The following MSRA variants were observed in gnomAD, a reference collection of about 807,000 sequenced individuals.
MSRA encodes methionine sulfoxide reductase A.
In MSRA, 54 loss-of-function variants were observed where a neutral mutation model predicts 31.3. That is an observed-to-expected ratio of 1.73 (90% CI 1.39 to 2.17). MSRA has a LOEUF of 2.17. Among genes scored for constraint, MSRA ranks in the 30% most tolerant of loss-of-function variants. MSRA has a pLI of 0.00. For missense variants in MSRA, 507 were observed against 300.9 expected (o/e 1.69, Z -5.07); for synonymous variants, 169 against 116.5 (o/e 1.45, Z -2.90).
At position 10,119,966 on chromosome 8, in the gene MSRA, G is replaced by C. The variant is rs116134549; in HGVS notation, c.142+65308G>C. Among the ~76,000 whole-genome samples, 1,311 of 152,306 alleles carry C rather than the reference G, an allele frequency of 8.6e-3. 16 individuals carry two copies. Among genetic ancestry groups the C allele is most frequent in the African/African-American group, 0.029 (1,186 of 41,562 alleles). ...CTAGACCCAAAAAGGGGCAAGAAGA[G>C]AGCAATGACAAGTATTGAACCGTGA... On this transcript the variant is annotated intron_variant, in intron 1 of 5. Transcript: ENST00000317173.
intron 1 of MSRA, among the ~76,000 whole-genome samples, chr8:10,169,815 T>C (rs1805443420): frequency 6.6e-6 from 1 of 152,062 alleles, no homozygotes; most frequent in Non-Finnish European, 1.5e-5. Context: ...TAATAATTTG[T>C]TTTAATAAGT....
intron 1 of MSRA, among the ~76,000 whole-genome samples, chr8:10,151,201 G>A (rs190988420): frequency 1.6e-3 from 237 of 149,520 alleles, no homozygotes; most frequent in African/African-American, 5.1e-3. Context: ...CTGGGGAGGC[G>A]CAGTGAGCCA....
At chr8:10,352,847 A>G (rs923266811) in intron 5 of MSRA, among the ~76,000 whole-genome samples, 1 of 152,104 alleles carries the variant, frequency 6.6e-6, no homozygotes, top group Non-Finnish European at 1.5e-5. Context: ...CGGGGGAGAA[A>G]GAGGCCCTGG....
chr8:10,219,660 G>T (rs1810305957), intron 2 of MSRA, among the ~76,000 whole-genome samples: 1 of 151,800 alleles, frequency 6.6e-6, no homozygotes. Flanking sequence ...CAAAAAATTA[G>T]CTGGGCGTGG....
At chr8:10,283,304 T>G (rs946763786) in intron 3 of MSRA, among the ~76,000 whole-genome samples, 7 of 152,170 alleles carry the variant, frequency 4.6e-5, no homozygotes, top group African/African-American at 1.7e-4. Context: ...TTGCACATCA[T>G]TTTTAGCTGC....
chr8:10,275,122 C>T (rs997152324), intron 3 of MSRA, among the ~76,000 whole-genome samples: 7 of 150,964 alleles, frequency 4.6e-5, no homozygotes, highest in South Asian at 2.1e-4. Flanking sequence ...TTCCAGGTGT[C>T]CTTTTTTCTG....
intron 4 of MSRA, among the ~76,000 whole-genome samples, chr8:10,304,374 A>G (rs939577327): frequency 4.6e-5 from 7 of 152,260 alleles, no homozygotes; most frequent in Non-Finnish European, 7.3e-5. Flanking sequence ...GCATACAGAT[A>G]AATGCGCATA....
rs559911091 is a variant in MSRA, at chr8:10,217,247, A to T, written c.211+9346A>T. On this transcript the variant is annotated intron_variant, in intron 2 of 5. Coordinates refer to ENST00000317173, the MANE Select transcript of MSRA (RefSeq NM_012331.5). ...GAGGACACTATATGTACTACAAGGCATTTAGGCAGCACTGCTGATGGCACC... is the reference window on the plus strand; with the variant it reads ...GAGGACACTATATGTACTACAAGGCTTTTAGGCAGCACTGCTGATGGCACC... Among the ~76,000 whole-genome samples, 12 of 152,316 alleles carry T rather than the reference A, an allele frequency of 7.9e-5. No individual in the cohort carries two copies. The South Asian group carries it at 1.0e-3, about 13-fold the overall frequency.
intron 3 of MSRA, among the ~76,000 whole-genome samples, chr8:10,290,350 G>T (rs1394988568): frequency 6.6e-6 from 1 of 152,024 alleles, no homozygotes; most frequent in Non-Finnish European, 1.5e-5. Flanking sequence ...GTCTTGAAAT[G>T]GTCATCTGGA....
chr8:10,056,505 C>G (rs1424028463), intron 1 of MSRA, among the ~76,000 whole-genome samples: 3 of 148,098 alleles, frequency 2.0e-5, no homozygotes, highest in African/African-American at 5.0e-5. Context: ...CAACACATCT[C>G]TGTATCTGGG....
intron 1 of MSRA, among the ~76,000 whole-genome samples, chr8:10,066,020 A>G (rs1329181709): frequency 6.7e-6 from 1 of 149,630 alleles, no homozygotes; most frequent in South Asian, 2.1e-4. Context: ...ACTTAATATA[A>G]TAATATATAA....
chr8:10,414,858 T>A (rs1233093802), intron 5 of MSRA, among the ~76,000 whole-genome samples: 2 of 152,056 alleles, frequency 1.3e-5, no homozygotes, highest in African/African-American at 4.8e-5. Flanking sequence ...ATTGCAGATA[T>A]GAAAAAGCAG....
rs544133296 is a variant in MSRA at position 10,292,281 on chromosome 8, G to T, written c.332-9253G>T. Among the ~76,000 whole-genome samples the T allele has an allele frequency of 2.1e-4, 32 of 152,258 alleles. 1 individual carries two copies. The highest frequency in any genetic ancestry group is 8.3e-4 in the South Asian group (4 of 4,826). On this transcript the variant is annotated intron_variant, in intron 3 of 5. Coordinates refer to ENST00000317173, the MANE Select transcript of MSRA (RefSeq NM_012331.5). ...CGGATGAAGGATAAGTGAGTGGTGG[G>T]CAGATGCAGCACGAGGGCTCCTCCG...
rs542447423 is a variant in MSRA, at chr8:10,160,021, A to G, written c.143-47812A>G. On this transcript the variant is annotated intron_variant, in intron 1 of 5. Transcript: ENST00000317173. The stretch of plus-strand genomic sequence containing the variant: ...AAAAAACCCTTTAGAAAAGTGGTCT[A>G]TATAATTCTTAGCAGGGTGTTGAGA... Among the ~76,000 whole-genome samples the G allele has an allele frequency of 3.3e-5, 5 of 152,340 alleles. No homozygotes were observed. In the South Asian group the frequency reaches 8.3e-4, roughly 25 times the overall value.
chr8:10,248,651 A>G (rs1797757065), intron 3 of MSRA, among the ~76,000 whole-genome samples: 1 of 152,196 alleles, frequency 6.6e-6, no homozygotes, highest in Admixed American at 6.5e-5. Flanking sequence ...TCTATGTGGA[A>G]ATTGATAGGC....
chr8:10,212,294 T>C (rs1318326513), intron 2 of MSRA, among the ~76,000 whole-genome samples: 2 of 152,174 alleles, frequency 1.3e-5, no homozygotes, highest in South Asian at 4.2e-4. Flanking sequence ...ACTGAAATAA[T>C]GAAATAATGA....
At chr8:10,125,820 A>C (rs1457651753) in intron 1 of MSRA, among the ~76,000 whole-genome samples, 2 of 152,272 alleles carry the variant, frequency 1.3e-5, no homozygotes, top group Non-Finnish European at 2.9e-5. Context: ...GTTCAATCAC[A>C]GAAATTGATA....
At chr8:10,305,174 C>G (rs1215606756) in intron 4 of MSRA, among the ~76,000 whole-genome samples, 3 of 152,154 alleles carry the variant, frequency 2.0e-5, no homozygotes, top group Non-Finnish European at 2.9e-5. Flanking sequence ...ATAGGAGAAG[C>G]AGTATCTACA....
At chr8:10,271,771 T>G (rs1436877108) in intron 3 of MSRA, among the ~76,000 whole-genome samples, 1 of 149,768 alleles carries the variant, frequency 6.7e-6, no homozygotes. Context: ...CAGGCTGGAG[T>G]ACAGTGGCGC....
Sources: allele counts gnomAD v4.1 joint callset (sites outside exome capture counted in the v4.1 genomes callset), GRCh38; gene constraint gnomAD v4.1.1; transcripts MANE v1.5; gene names NCBI Gene and HGNC (gene_info 2026-07-23, HGNC 2026-07-21).